Variants in NFKB1 observed in about 807,000 individuals in gnomAD.
NFKB1 encodes the protein nuclear factor NF-kappa-B p105 subunit.
A neutral mutation model predicts 105.1 loss-of-function variants in NFKB1; 9 were observed. The observed-to-expected ratio is 0.09, with a 90% CI of 0.05 to 0.15. The LOEUF (loss-of-function observed/expected upper bound fraction) is 0.15. NFKB1 is among the 10% of genes least tolerant of loss of function. The probability of loss-of-function intolerance (pLI) is 1.00; values close to 1 mark genes in which losing one functional copy is unlikely to be tolerated. For synonymous variants in NFKB1, 440 were observed against 442.2 expected (o/e 1.00, Z 0.06); for missense variants, 830 against 1,203.7 (o/e 0.69, Z 4.59).
chr4:102,542,523 C>T (rs1335568087), intron 5 of NFKB1, among the ~76,000 whole-genome samples: 1 of 152,062 alleles, frequency 6.6e-6, no homozygotes, highest in Non-Finnish European at 1.5e-5. Flanking sequence ...TCTGTCCTCT[C>T]TCTCTCTCAA....
At chr4:102,572,482 A>G (rs997149983) in intron 6 of NFKB1, among the ~76,000 whole-genome samples, 1 of 152,226 alleles carries the variant, frequency 6.6e-6, no homozygotes, top group Non-Finnish European at 1.5e-5. Flanking sequence ...ATAATAAAAA[A>G]TAAGCAAGTT....
intron 5 of NFKB1, among the ~76,000 whole-genome samples, chr4:102,552,056 G>T (rs1326545894): frequency 1.3e-5 from 2 of 152,140 alleles, no homozygotes; most frequent in South Asian, 4.1e-4. Flanking sequence ...CTGCATTAAT[G>T]GAAACACGAT....
intron 1 of NFKB1, among the ~76,000 whole-genome samples, chr4:102,509,363 G>T (rs1259321662): frequency 2.6e-5 from 4 of 152,036 alleles, no homozygotes; most frequent in African/African-American, 9.7e-5. Context: ...TTTGTGATGG[G>T]TGGGGAAGTA....
intron 5 of NFKB1, among the ~76,000 whole-genome samples, chr4:102,564,684 T>G (rs2149164693): frequency 6.6e-6 from 1 of 152,338 alleles, no homozygotes; most frequent in African/African-American, 2.4e-5. Context: ...CCTCTTTCCT[T>G]CAGTACCAGA....
At chr4:102,552,395 C>A (rs1444413350) in intron 5 of NFKB1, among the ~76,000 whole-genome samples, 4 of 152,176 alleles carry the variant, frequency 2.6e-5, no homozygotes, top group African/African-American at 9.7e-5. Flanking sequence ...GTTTCAGTTG[C>A]TGCTGACAGT....
intron 11 of NFKB1, among the ~76,000 whole-genome samples, chr4:102,587,526 G>A (rs1380175695): frequency 6.6e-6 from 1 of 151,886 alleles, no homozygotes; most frequent in Non-Finnish European, 1.5e-5. Context: ...TATAGTGGGG[G>A]TATATTCAGG....
rs370618167 is a variant in NFKB1, at chr4:102,585,128, A to G, written c.1066+308A>G. The stretch of plus-strand genomic sequence containing the variant: ...TGGCCTTAAACTCCTGGCCTTAAGC[A>G]GTCCTCCGGCCTTGGCCTCCCAAAG... On this transcript the variant is annotated intron_variant, in intron 11 of 23. Coordinates refer to ENST00000226574, the MANE Select transcript of NFKB1 (RefSeq NM_003998.4). Among the ~76,000 whole-genome samples, 8 of 152,074 alleles carry G rather than the reference A, an allele frequency of 5.3e-5. No homozygotes were observed. In the East Asian group the frequency reaches 1.6e-3, roughly 29 times the overall value.
chr4:102,587,053 A>G (rs567943856), intron 11 of NFKB1, among the ~76,000 whole-genome samples: 3 of 152,352 alleles, frequency 2.0e-5, no homozygotes, highest in African/African-American at 7.2e-5. Flanking sequence ...TGTCAGCACA[A>G]TAACTTTTCT....
At chr4:102,599,528 C>T (rs1172920394) in intron 15 of NFKB1, among the ~76,000 whole-genome samples, 1 of 152,142 alleles carries the variant, frequency 6.6e-6, no homozygotes, top group Non-Finnish European at 1.5e-5. Context: ...GTGCTCTGCA[C>T]CTCAATCTGT....
chr4:102,610,677 T>C lies in NFKB1; in HGVS notation c.2330T>C (p.Leu777Pro). 6.2e-7 allele frequency: 1 copy of C among 1,614,124 alleles called. No individual in the cohort carries two copies. The highest frequency in any genetic ancestry group is 8.5e-7 in the Non-Finnish European group (1 of 1,179,972). The change falls in exon 20 of 24, where the codon CTA becomes CCA. Residue 777 changes from leucine to proline, a missense_variant. Leu to Pro is a moderately conservative substitution (Grantham distance 98). This residue lies in a region of NFKB1 where 418 missense variants were observed against 575.3 expected (regional missense o/e 0.73). Coordinates refer to ENST00000226574, the MANE Select transcript of NFKB1 (RefSeq NM_003998.4). Reference sequence around the variant, plus strand: ...GGAGTTGTGCCTGGAACCACGCCTCTAGATATGGCCACCAGCTGGCAGGTG... The same window carrying C: ...GGAGTTGTGCCTGGAACCACGCCTCCAGATATGGCCACCAGCTGGCAGGTG... ...DEGVVPGTTPLDMATSWQVFD... is the reference protein window; with the variant it reads ...DEGVVPGTTPPDMATSWQVFD...
chr4:102,576,017 TAG>T (rs1289474674), intron 6 of NFKB1, among the ~76,000 whole-genome samples: 1 of 152,228 alleles, frequency 6.6e-6, no homozygotes, highest in Non-Finnish European at 1.5e-5. Flanking sequence ...ATTTATTGAA[TAG>T]ACTTCTTTGT....
intron 15 of NFKB1, among the ~76,000 whole-genome samples, chr4:102,599,737 T>A (rs1483400031): frequency 6.6e-6 from 1 of 152,188 alleles, no homozygotes; most frequent in Non-Finnish European, 1.5e-5. Context: ...TTTCATTAGC[T>A]GAAAAGTGAA....
intron 11 of NFKB1, among the ~76,000 whole-genome samples, chr4:102,585,884 G>A (rs1240641460): frequency 5.9e-5 from 9 of 152,112 alleles, no homozygotes; most frequent in African/African-American, 1.9e-4. Flanking sequence ...TAAACACAGC[G>A]TTTATGCAGA....
intron 5 of NFKB1, among the ~76,000 whole-genome samples, chr4:102,565,666 CCTCCCTCCCTCT>C (rs1288653617): frequency 3.3e-5 from 5 of 151,936 alleles, no homozygotes; most frequent in East Asian, 1.9e-4. Context: ...TGATTCCCAT[CCTCCCTCCCTCT>C]CTCCCTCCCT....
intron 11 of NFKB1, among the ~76,000 whole-genome samples, chr4:102,590,567 G>A (rs891545787): frequency 4.6e-5 from 6 of 130,818 alleles, no homozygotes; most frequent in African/African-American, 1.9e-4. Flanking sequence ...ATGGTGATCT[G>A]TGAACAGTGA....
intron 5 of NFKB1, among the ~76,000 whole-genome samples, chr4:102,563,518 TAATA>T (rs1215005880): frequency 6.6e-6 from 1 of 152,208 alleles, no homozygotes; most frequent in African/African-American, 2.4e-5. Flanking sequence ...AGTAATAAAT[TAATA>T]AATAAGACAA....
At chr4:102,614,543 T>C (rs1201400399) in intron 23 of NFKB1, among the ~76,000 whole-genome samples, 1 of 152,190 alleles carries the variant, frequency 6.6e-6, no homozygotes, top group Non-Finnish European at 1.5e-5. Context: ...TTTAGAGTTA[T>C]TCTTTCCAGC....
At chr4:102,593,922 C>G (rs1163898738) in intron 12 of NFKB1, among the ~76,000 whole-genome samples, 1 of 152,010 alleles carries the variant, frequency 6.6e-6, no homozygotes, top group East Asian at 1.9e-4. Flanking sequence ...TACAATATAG[C>G]TATATATTAA....
At chr4:102,599,593 G>A (rs958911730) in intron 15 of NFKB1, among the ~76,000 whole-genome samples, 9 of 152,180 alleles carry the variant, frequency 5.9e-5, no homozygotes, top group African/African-American at 2.2e-4. Context: ...CTTTAGAACA[G>A]TGCACATGTA....
Sources: allele counts gnomAD v4.1 joint callset (sites outside exome capture counted in the v4.1 genomes callset), GRCh38; gene constraint gnomAD v4.1.1; regional missense constraint gnomAD v4.1.1; transcripts MANE v1.5; gene names NCBI Gene and HGNC (gene_info 2026-07-23, HGNC 2026-07-21).